The following SEMA5A variants were observed in gnomAD, a reference collection of about 807,000 sequenced individuals.
SEMA5A encodes the protein semaphorin-5A.
SEMA5A carries 55 observed loss-of-function variants against 135.5 expected under a neutral mutation model. The ratio of observed to expected loss-of-function variants is 0.41; its 90% CI spans 0.33 to 0.51. The LOEUF is 0.51. Among genes scored for constraint, SEMA5A ranks in the 20% least tolerant of loss-of-function variants. The pLI, the probability that SEMA5A is intolerant of heterozygous loss-of-function variation, is 0.37. For synonymous variants in SEMA5A, 580 were observed against 546.5 expected (o/e 1.06, Z -0.85); for missense variants, 1,290 against 1,419.9 (o/e 0.91, Z 1.47).
In SEMA5A at chr5:9,187,356, G is replaced by T. The variant is rs1427557815; in HGVS notation, c.1273+2911C>A. Reference sequence around the variant, plus strand: ...TTGAGACATGAAATATGTAATTATAGAGGTTGTTCAGTTAAAATTGTCAAG... The same window carrying T: ...TTGAGACATGAAATATGTAATTATATAGGTTGTTCAGTTAAAATTGTCAAG... On this transcript the variant is annotated intron_variant, in intron 11 of 22. Transcript: ENST00000382496. Among the ~76,000 whole-genome samples the T allele has an allele frequency of 3.3e-5, 5 of 152,250 alleles. No homozygotes were observed. In the East Asian group the frequency reaches 7.7e-4, roughly 24 times the overall value.
chr5:9,484,729 A>G (rs1760012471), intron 1 of SEMA5A, among the ~76,000 whole-genome samples: 1 of 152,204 alleles, frequency 6.6e-6, no homozygotes, highest in African/African-American at 2.4e-5. Flanking sequence ...AGTCGGTCTC[A>G]GTTGAACTAG....
intron 1 of SEMA5A, among the ~76,000 whole-genome samples, chr5:9,499,944 A>C (rs1735496392): frequency 6.6e-6 from 1 of 152,200 alleles, no homozygotes; most frequent in African/African-American, 2.4e-5. Context: ...CCTGAAAAAA[A>C]AAAGGTTTTA....
At chr5:9,049,703 G>A (rs1359549974) in intron 21 of SEMA5A, among the ~76,000 whole-genome samples, 2 of 152,190 alleles carry the variant, frequency 1.3e-5, no homozygotes, top group Non-Finnish European at 2.9e-5. Flanking sequence ...TCTGAAAGGC[G>A]GACATGGGCT....
At chr5:9,407,221 C>T (rs1359904130) in intron 2 of SEMA5A, among the ~76,000 whole-genome samples, 1 of 152,182 alleles carries the variant, frequency 6.6e-6, no homozygotes, top group Non-Finnish European at 1.5e-5. Flanking sequence ...ATACAATCTA[C>T]AAAAAGAGTA....
chr5:9,494,889 G>T (rs1207537648), intron 1 of SEMA5A, among the ~76,000 whole-genome samples: 3 of 152,160 alleles, frequency 2.0e-5, no homozygotes, highest in African/African-American at 7.2e-5. Context: ...GCTTTCCAAA[G>T]TATCTGGTTC....
intron 3 of SEMA5A, among the ~76,000 whole-genome samples, chr5:9,353,105 A>AGG (rs1407226362): frequency 2.9e-5 from 1 of 34,182 alleles, no homozygotes; most frequent in Non-Finnish European, 6.5e-5. Context: ...AAGGAAGGAA[A>AGG]GGAAAGGAAA....
intron 8 of SEMA5A, among the ~76,000 whole-genome samples, chr5:9,217,861 A>G (rs1357619362): frequency 6.6e-6 from 1 of 152,104 alleles, no homozygotes; most frequent in African/African-American, 2.4e-5. Context: ...TCTTTTTTAT[A>G]TGGGCTATTC....
At chr5:9,356,158 C>A (rs148650978) in intron 3 of SEMA5A, among the ~76,000 whole-genome samples, 1 of 152,196 alleles carries the variant, frequency 6.6e-6, no homozygotes, top group Non-Finnish European at 1.5e-5. Flanking sequence ...CCACTGAAGA[C>A]GCATTTCTTC....
chr5:9,279,830 C>A (rs1750451150), intron 5 of SEMA5A, among the ~76,000 whole-genome samples: 2 of 152,268 alleles, frequency 1.3e-5, no homozygotes, highest in East Asian at 1.9e-4. Flanking sequence ...CCTGAGGCCT[C>A]CAAGCCATGC....
chr5:9,422,139 T>C (rs1360225375), intron 2 of SEMA5A, among the ~76,000 whole-genome samples: 3 of 152,222 alleles, frequency 2.0e-5, no homozygotes, highest in Non-Finnish European at 2.9e-5. Flanking sequence ...AAACTGCATG[T>C]TCAAGAATGC....
At chr5:9,500,855 C>A (rs1735560357) in intron 1 of SEMA5A, among the ~76,000 whole-genome samples, 1 of 152,182 alleles carries the variant, frequency 6.6e-6, no homozygotes, top group Non-Finnish European at 1.5e-5. Context: ...CCTCCTGAGG[C>A]TTTCCCTGCC....
At chr5:9,467,075 A>T (rs1759287544) in intron 1 of SEMA5A, among the ~76,000 whole-genome samples, 1 of 152,230 alleles carries the variant, frequency 6.6e-6, no homozygotes, top group African/African-American at 2.4e-5. Flanking sequence ...TTGAGCTAAA[A>T]GAATCAGATG....
chr5:9,487,018 GAA>G lies in SEMA5A; in HGVS notation c.-174-49168_-174-49167del, dbSNP rs5865836. Reference sequence around the variant, plus strand: ...AGTTTGCCAACCATAGATTGTCTCTGAAAAAAAAAAACTAGTAGAAAATGCAT... The same window carrying G: ...AGTTTGCCAACCATAGATTGTCTCTGAAAAAAAAACTAGTAGAAAATGCAT... On this transcript the variant is annotated intron_variant, in intron 1 of 22. Transcript: ENST00000382496. Among the ~76,000 whole-genome samples, 23 of 149,024 alleles carry G rather than the reference GAA, an allele frequency of 1.5e-4. No individual in the cohort carries two copies. In the East Asian group the frequency reaches 2.9e-3, roughly 19 times the overall value.
At chr5:9,336,089 C>T (rs1445194797) in intron 4 of SEMA5A, among the ~76,000 whole-genome samples, 1 of 151,942 alleles carries the variant, frequency 6.6e-6, no homozygotes, top group East Asian at 1.9e-4. Context: ...TGAGCCAGGT[C>T]CTTACTACAA....
At chr5:9,435,737 T>C (rs1235436214) in intron 2 of SEMA5A, among the ~76,000 whole-genome samples, 1 of 152,226 alleles carries the variant, frequency 6.6e-6, no homozygotes, top group Non-Finnish European at 1.5e-5. Flanking sequence ...AACACAGCCA[T>C]GCCCATTCAC....
At chr5:9,154,457 C>T (rs749097903) in intron 12 of SEMA5A, 31 bp downstream of exon 12, 12 of 1,606,796 alleles carry the variant, frequency 7.5e-6, no homozygotes, top group Non-Finnish European at 1.0e-5. Flanking sequence ...CACACACACA[C>T]CAGTGCATCC....
chr5:9,168,408 T>A (rs1187743768), intron 11 of SEMA5A, among the ~76,000 whole-genome samples: 4 of 152,194 alleles, frequency 2.6e-5, no homozygotes, highest in Admixed American at 2.0e-4. Context: ...AGGTCAGTGA[T>A]GAAGGAGCTT....
At chr5:9,088,383 A>T (rs1417501870) in intron 16 of SEMA5A, among the ~76,000 whole-genome samples, 1 of 150,844 alleles carries the variant, frequency 6.6e-6, no homozygotes, top group African/African-American at 2.4e-5. Context: ...AGTATATAGA[A>T]TAAGGGTAAG....
intron 14 of SEMA5A, among the ~76,000 whole-genome samples, chr5:9,121,950 T>C (rs1740835286): frequency 6.6e-6 from 1 of 152,192 alleles, no homozygotes; most frequent in East Asian, 1.9e-4. Context: ...AGTGGGCTCA[T>C]GGAAAGCAGA....
Sources: gnomAD v4.1 joint callset for allele counts (sites outside exome capture counted in the v4.1 genomes callset) on GRCh38, gnomAD v4.1.1 for gene constraint, MANE v1.5 for transcripts, NCBI Gene and HGNC (gene_info 2026-07-23, HGNC 2026-07-21) for gene names.